COG2: variants seen among roughly 807,000 people sequenced by gnomAD.
The protein encoded by COG2 is component of oligomeric golgi complex 2.
Under a neutral mutation model 90.6 loss-of-function variants are expected in COG2, and 52 were observed. The ratio of observed to expected loss-of-function variants is 0.57; its 90% CI spans 0.46 to 0.72. COG2 has a LOEUF of 0.72. COG2 is among the 30% of genes least tolerant of loss of function. COG2 has a pLI of 0.00. For missense variants in COG2, 829 were observed against 891.2 expected (o/e 0.93, Z 0.89); for synonymous variants, 337 against 320.4 (o/e 1.05, Z -0.55).
intron 13 of COG2, 88 bp downstream of exon 13, chr1:230,687,220 C>A: frequency 9.0e-7 from 1 of 1,116,576 alleles, no homozygotes; most frequent in Non-Finnish European, 1.3e-6. Context: ...ACCACTGGGC[C>A]TTACGGGGCT....
At chr1:230,675,228 T>A (rs1216954721) in intron 9 of COG2, 104 bp downstream of exon 9, 11 of 1,367,022 alleles carry the variant, frequency 8.0e-6, no homozygotes, top group Non-Finnish European at 6.8e-6. Flanking sequence ...TTATTAAAAA[T>A]AAAAATTTGA....
At chr1:230,672,533 T>A (rs1480253312) in intron 8 of COG2, among the ~76,000 whole-genome samples, 1 of 151,984 alleles carries the variant, frequency 6.6e-6, no homozygotes, top group Non-Finnish European at 1.5e-5. Flanking sequence ...ACCACCTCCT[T>A]CAAGAGACCA....
intron 14 of COG2, 57 bp from the exon 15 acceptor site, chr1:230,688,363 T>G: frequency 6.3e-6 from 10 of 1,595,000 alleles, no homozygotes; most frequent in Non-Finnish European, 8.6e-6. Context: ...GTATTTCAAA[T>G]GAAGTTCATG....
At chr1:230,671,253 T>A (rs1009186386) in intron 7 of COG2, 10 of 207,620 alleles carry the variant, frequency 4.8e-5, no homozygotes, top group Non-Finnish European at 8.6e-5. Flanking sequence ...GTTATTTTAT[T>A]TTCAGACTCC....
intron 15 of COG2, among the ~76,000 whole-genome samples, chr1:230,688,775 A>G (rs1662950205): frequency 6.6e-6 from 1 of 152,172 alleles, no homozygotes; most frequent in African/African-American, 2.4e-5. Flanking sequence ...GACCTTTCCC[A>G]TCCTATCCTA....
Position 230,688,741 on chromosome 1 carries a change from C to T in COG2, c.1794+179C>T, listed in dbSNP as rs545435919. On this transcript the variant is annotated intron_variant, in intron 15 of 17. Coordinates refer to ENST00000366669, the MANE Select transcript of COG2 (RefSeq NM_007357.3). ...GGTTGGGCAGGGGTGGTCAGGGGCT[C>T]TGGGCCACAAACTGAAATAGTTAGA... Among the ~76,000 whole-genome samples the T allele has an allele frequency of 7.2e-5, 11 of 152,240 alleles. No homozygotes were observed. In the South Asian group the frequency reaches 2.1e-3, roughly 29 times the overall value.
intron 10 of COG2, 34 bp downstream of exon 10, chr1:230,679,086 C>T (rs778599212): frequency 1.7e-5 from 26 of 1,571,812 alleles, no homozygotes; most frequent in Non-Finnish European, 2.3e-5. Flanking sequence ...CGCCCCGCAC[C>T]CTTCTAAAAC....
In COG2 at chr1:230,659,627, TAA is replaced by T; in HGVS notation, c.234+4_234+5del. The T allele has an allele frequency of 6.2e-7, 1 of 1,612,796 alleles. No homozygotes were observed. The highest frequency in any genetic ancestry group is 8.5e-7 in the Non-Finnish European group (1 of 1,179,520). On this transcript the variant is annotated splice_donor_region_variant and intron_variant, in intron 2 of 17. Coordinates refer to ENST00000366669, the MANE Select transcript of COG2 (RefSeq NM_007357.3). ...TTTGTCAATCTTTCAACAAACTTGG[TAA>T]ACTTTAAATCCACGGTCCCATTTAC...
chr1:230,687,324 A>G (rs1414056983), intron 13 of COG2, among the ~76,000 whole-genome samples, 192 bp downstream of exon 13: 3 of 152,178 alleles, frequency 2.0e-5, no homozygotes, highest in African/African-American at 4.8e-5. Context: ...GGTCATGTCC[A>G]TATAGGGTTT....
chr1:230,688,279 C>A, intron 14 of COG2, 136 bp downstream of exon 14: 1 of 1,259,680 alleles, frequency 7.9e-7, no homozygotes, highest in South Asian at 1.4e-5. Context: ...TGTATTATAA[C>A]TTACCTAAAT....
At chr1:230,651,719 C>G (rs536519156) in intron 1 of COG2, among the ~76,000 whole-genome samples, 1 of 152,290 alleles carries the variant, frequency 6.6e-6, no homozygotes, top group East Asian at 1.9e-4. Context: ...TTTTCAGACA[C>G]AGGCATATAT....
chr1:230,679,669 ACT>A (rs768971913), intron 10 of COG2: 3 of 152,252 alleles, frequency 2.0e-5, no homozygotes, highest in Non-Finnish European at 4.4e-5. Context: ...TCTATAAAAT[ACT>A]TGGGGGAAAT....
intron 11 of COG2, chr1:230,684,322 T>C (rs1662833412): frequency 1.3e-5 from 2 of 152,374 alleles, no homozygotes; most frequent in African/African-American, 4.8e-5. Flanking sequence ...CTGGTCTGCA[T>C]GGTAGAGGGT....
At chr1:230,665,704 T>C (rs1043952409) in intron 5 of COG2, among the ~76,000 whole-genome samples, 2 of 152,214 alleles carry the variant, frequency 1.3e-5, no homozygotes. Context: ...CAGCCTGTAG[T>C]ACTTCTGCTT....
In COG2 at chr1:230,693,498, A is replaced by T; in HGVS notation, c.*105A>T. 1 of 670,124 alleles carries T rather than the reference A, an allele frequency of 1.5e-6. No homozygotes were observed. Among genetic ancestry groups the T allele is most frequent in the Non-Finnish European group, 2.6e-6 (1 of 387,510 alleles). 41.5% of individuals were successfully genotyped at this position (670,124 alleles called of 1,614,324 possible). On this transcript the variant is annotated 3_prime_UTR_variant, in exon 18 of 18. Coordinates refer to ENST00000366669, the MANE Select transcript of COG2 (RefSeq NM_007357.3). ...TGTTCTCTTAGCAACCGTCTGTAGC[A>T]AAGAAGTGCTTCCAGCATCACTCCA...
chr1:230,657,426 G>A lies in COG2; in HGVS notation c.73-2038G>A, dbSNP rs554084957. On this transcript the variant is annotated intron_variant, in intron 1 of 17. Transcript: ENST00000366669. Reference sequence around the variant, plus strand: ...TCTTCTGGCTTGTAGGGTTTCTGCTGAGAGATCCACTGTTATTCTGATGGG... The same window carrying A: ...TCTTCTGGCTTGTAGGGTTTCTGCTAAGAGATCCACTGTTATTCTGATGGG... 1.1e-4 allele frequency among the ~76,000 whole-genome samples: 17 copies of A among 152,270 alleles called. No individual in the cohort carries two copies. The South Asian group carries it at 3.3e-3, about 30-fold the overall frequency.
chr1:230,674,961 A>G, intron 8 of COG2, 37 bp from the exon 9 acceptor site: 2 of 1,529,320 alleles, frequency 1.3e-6, no homozygotes, highest in East Asian at 2.4e-5. Context: ...TAAGTAGATT[A>G]TGGTATATTT....
intron 1 of COG2, among the ~76,000 whole-genome samples, chr1:230,653,043 A>G (rs1661950981): frequency 6.6e-6 from 1 of 152,156 alleles, no homozygotes; most frequent in East Asian, 1.9e-4. Context: ...GCACATTTCA[A>G]GAATACAGTA....
intron 8 of COG2, 69 bp downstream of exon 8, chr1:230,671,709 A>G: frequency 7.2e-7 from 1 of 1,383,242 alleles, no homozygotes; most frequent in South Asian, 1.2e-5. Context: ...TTGCAGGTGC[A>G]CGATGGACGA....
Sources: allele counts gnomAD v4.1 joint callset (sites outside exome capture counted in the v4.1 genomes callset), GRCh38; gene constraint gnomAD v4.1.1; transcripts MANE v1.5; gene names NCBI Gene and HGNC (gene_info 2026-07-23, HGNC 2026-07-21).